Variants in SKAP1 observed in about 807,000 individuals in gnomAD.
The protein encoded by SKAP1 is src kinase-associated phosphoprotein 1.
A neutral mutation model predicts 58.5 loss-of-function variants in SKAP1; 44 were observed. That is an observed-to-expected ratio of 0.75 (90% CI 0.59 to 0.97). The LOEUF is 0.97. Among genes scored for constraint, SKAP1 ranks in the 50% least tolerant of loss-of-function variants. SKAP1 has a pLI of 0.00. For missense variants in SKAP1, 390 were observed against 435.2 expected (o/e 0.90, Z 0.92); for synonymous variants, 127 against 149.7 (o/e 0.85, Z 1.11).
chr17:48,165,896 AT>A (rs565833205), intron 10 of SKAP1, among the ~76,000 whole-genome samples: 2 of 151,986 alleles, frequency 1.3e-5, no homozygotes, highest in Non-Finnish European at 2.9e-5. Context: ...CCATCTAATT[AT>A]TTTTTTTCCA....
intron 4 of SKAP1, among the ~76,000 whole-genome samples, chr17:48,297,755 TA>T (rs1167878564): frequency 6.6e-6 from 1 of 152,140 alleles, no homozygotes; most frequent in Non-Finnish European, 1.5e-5. Context: ...TATTGGTTAT[TA>T]AAAAGAACAA....
chr17:48,258,771 T>A (rs2065454431), intron 4 of SKAP1, among the ~76,000 whole-genome samples: 1 of 152,092 alleles, frequency 6.6e-6, no homozygotes, highest in Non-Finnish European at 1.5e-5. Flanking sequence ...TTACAGCTGC[T>A]TTTAAAATGT....
intron 3 of SKAP1, among the ~76,000 whole-genome samples, chr17:48,353,241 A>AT (rs753944822): frequency 2.0e-5 from 3 of 152,072 alleles, no homozygotes; most frequent in African/African-American, 7.2e-5. Flanking sequence ...CAATATACTG[A>AT]TTTTTTTCCA....
At chr17:48,440,737 T>C in the SKAP1 span, among the ~76,000 whole-genome samples, 3 of 152,292 alleles carry the variant, frequency 2.0e-5, no homozygotes, top group East Asian at 5.8e-4. Context: ...TGCTAGTCAC[T>C]GGTGTCAGTG....
intron 9 of SKAP1, among the ~76,000 whole-genome samples, chr17:48,174,635 TAA>T (rs1396650178): frequency 6.6e-6 from 1 of 152,238 alleles, no homozygotes. Flanking sequence ...ACTTTAATTT[TAA>T]GAGACTATTT....
intron 4 of SKAP1, among the ~76,000 whole-genome samples, chr17:48,311,659 C>T (rs2066226261): frequency 6.6e-6 from 1 of 152,120 alleles, no homozygotes; most frequent in Non-Finnish European, 1.5e-5. Flanking sequence ...GTGAACTGCC[C>T]CTGCCCTTTA....
intron 4 of SKAP1, among the ~76,000 whole-genome samples, chr17:48,335,768 T>C (rs1314645830): frequency 6.6e-6 from 1 of 152,148 alleles, no homozygotes; most frequent in Non-Finnish European, 1.5e-5. Context: ...TTTATTTATC[T>C]GTTTAGGAAT....
At chr17:48,172,339 T>C (rs930361952) in intron 9 of SKAP1, among the ~76,000 whole-genome samples, 1 of 152,202 alleles carries the variant, frequency 6.6e-6, no homozygotes, top group African/African-American at 2.4e-5. Context: ...CAAATGTTTA[T>C]ACGGTCAAAG....
intron 4 of SKAP1, among the ~76,000 whole-genome samples, chr17:48,202,574 TTC>T (rs1233072495): frequency 3.3e-5 from 5 of 152,218 alleles, no homozygotes; most frequent in African/African-American, 1.2e-4. Flanking sequence ...TTCTGGATTT[TTC>T]TGTTTCATCC....
chr17:48,198,140 T>G (rs999994385), intron 4 of SKAP1, among the ~76,000 whole-genome samples: 3 of 152,168 alleles, frequency 2.0e-5, no homozygotes, highest in African/African-American at 7.2e-5. Context: ...ACAGAGATTT[T>G]GAATAATTTA....
intron 4 of SKAP1, among the ~76,000 whole-genome samples, chr17:48,269,842 C>A (rs2143974106): frequency 6.6e-6 from 1 of 152,054 alleles, no homozygotes; most frequent in Non-Finnish European, 1.5e-5. Context: ...GCTTGTAATC[C>A]CAGCACTTTG....
chr17:48,428,932 G>A (rs1038696076), intron 1 of SKAP1, among the ~76,000 whole-genome samples: 1 of 152,162 alleles, frequency 6.6e-6, no homozygotes, highest in African/African-American at 2.4e-5. Flanking sequence ...ATATCTAGCT[G>A]ACAGCTTTTA....
chr17:48,421,296 CTTT>C (rs35201215), intron 1 of SKAP1, among the ~76,000 whole-genome samples: 8 of 119,212 alleles, frequency 6.7e-5, no homozygotes, highest in Admixed American at 8.6e-5. Flanking sequence ...ATAGAGTGTT[CTTT>C]TTTTTTTTTT....
At chr17:48,378,384 A>C (rs1250269968) in intron 2 of SKAP1, among the ~76,000 whole-genome samples, 1 of 152,134 alleles carries the variant, frequency 6.6e-6, no homozygotes, top group Non-Finnish European at 1.5e-5. Flanking sequence ...CATCTGCCTC[A>C]TTTGGTTCTT....
At chr17:48,442,298 G>C in the SKAP1 span, among the ~76,000 whole-genome samples, 1 of 152,166 alleles carries the variant, frequency 6.6e-6, no homozygotes, top group African/African-American at 2.4e-5. Context: ...AACACAGTTG[G>C]TTATTTCTGG....
chr17:48,186,940 A>G (rs2064462361), intron 6 of SKAP1, among the ~76,000 whole-genome samples: 1 of 152,222 alleles, frequency 6.6e-6, no homozygotes, highest in Non-Finnish European at 1.5e-5. Flanking sequence ...AGTCTACTCA[A>G]ACTGTATCGC....
chr17:48,165,416 T>C (rs1373063681), intron 10 of SKAP1, among the ~76,000 whole-genome samples: 1 of 139,042 alleles, frequency 7.2e-6, no homozygotes, highest in Non-Finnish European at 1.6e-5. Context: ...TTTTTTTTTT[T>C]TGAGGCGAAG....
At chr17:48,163,190 CT>C (rs2064092883) in intron 10 of SKAP1, among the ~76,000 whole-genome samples, 1 of 152,180 alleles carries the variant, frequency 6.6e-6, no homozygotes, top group Non-Finnish European at 1.5e-5. Flanking sequence ...TCTGGGTGGG[CT>C]GGCCCTTTTC....
chr17:48,155,380 G>A (rs898783136), intron 11 of SKAP1, among the ~76,000 whole-genome samples: 5 of 150,718 alleles, frequency 3.3e-5, no homozygotes, highest in Admixed American at 2.6e-4. Flanking sequence ...CACCTGCCTC[G>A]GCCTCCCAAA....
Sources: gnomAD v4.1 joint callset for allele counts (sites outside exome capture counted in the v4.1 genomes callset) on GRCh38, gnomAD v4.1.1 for gene constraint, MANE v1.5 for transcripts, NCBI Gene and HGNC (gene_info 2026-07-23, HGNC 2026-07-21) for gene names.